CCSER1: variants seen among roughly 807,000 people sequenced by gnomAD.
CCSER1 encodes coiled-coil serine rich protein 1.
In CCSER1, 41 loss-of-function variants were observed where a neutral mutation model predicts 82.0. The ratio of observed to expected loss-of-function variants is 0.50; its 90% confidence interval spans 0.39 to 0.65. The LOEUF is 0.65. Among genes scored for constraint, CCSER1 ranks in the 30% least tolerant of loss-of-function variants. The pLI is 0.00. For synonymous variants in CCSER1, 414 were observed against 383.9 expected (o/e 1.08, Z -0.92); for missense variants, 1,119 against 1,064.2 (o/e 1.05, Z -0.72).
At chr4:90,824,775 T>C (rs551160932) in intron 8 of CCSER1, among the ~76,000 whole-genome samples, 3 of 152,336 alleles carry the variant, frequency 2.0e-5, no homozygotes, top group South Asian at 4.1e-4. Flanking sequence ...CAGCTGTAAG[T>C]ACTTTCAAAT....
intron 4 of CCSER1, among the ~76,000 whole-genome samples, chr4:90,420,838 A>G (rs1385427918): frequency 6.6e-6 from 1 of 152,136 alleles, no homozygotes; most frequent in Non-Finnish European, 1.5e-5. Flanking sequence ...TAGAGGATAC[A>G]GTCAAAAGAA....
At chr4:91,161,787 T>C (rs578042120) in intron 10 of CCSER1, among the ~76,000 whole-genome samples, 63 of 152,274 alleles carry the variant, frequency 4.1e-4, no homozygotes, top group African/African-American at 1.4e-3. Flanking sequence ...CATGAAGCAA[T>C]AAGACATAAG....
chr4:90,930,903 CCTT>C (rs1729669181), intron 9 of CCSER1, among the ~76,000 whole-genome samples: 1 of 93,624 alleles, frequency 1.1e-5, no homozygotes, highest in Non-Finnish European at 2.2e-5. Context: ...GGAAATTTAT[CCTT>C]ATTTTATATA....
intron 10 of CCSER1, among the ~76,000 whole-genome samples, chr4:91,537,232 T>G (rs1021301902): frequency 6.6e-6 from 1 of 152,040 alleles, no homozygotes; most frequent in Non-Finnish European, 1.5e-5. Flanking sequence ...CAAGTGACTG[T>G]TCCAAAGTCA....
intron 10 of CCSER1, among the ~76,000 whole-genome samples, chr4:91,308,709 C>T (rs1430965389): frequency 6.6e-6 from 1 of 151,916 alleles, no homozygotes; most frequent in African/African-American, 2.4e-5. Context: ...TTCAAATCAT[C>T]ATTAGCCTAT....
Position 90,872,816 on chromosome 4 carries a change from A to C in CCSER1, c.2095-50554A>C, listed in dbSNP as rs1333412626. On this transcript the variant is annotated intron_variant, in intron 8 of 10. Transcript: ENST00000509176. ...TAGAACGTGTCTAGTGTTGAAAAAAATCCCTCAAATTTTGTTTGTCTGGGA... is the reference window on the plus strand; with the variant it reads ...TAGAACGTGTCTAGTGTTGAAAAAACTCCCTCAAATTTTGTTTGTCTGGGA... 2.0e-5 allele frequency among the ~76,000 whole-genome samples: 3 copies of C among 152,008 alleles called. No homozygotes were observed. The East Asian group carries it at 5.8e-4, about 29-fold the overall frequency.
chr4:91,255,022 A>T (rs777369568), intron 10 of CCSER1, among the ~76,000 whole-genome samples: 26 of 152,226 alleles, frequency 1.7e-4, no homozygotes, highest in Non-Finnish European at 3.2e-4. Context: ...TCATTTAGTG[A>T]CCAGCCTATT....
chr4:91,207,681 C>T (rs925178666), intron 10 of CCSER1, among the ~76,000 whole-genome samples: 4 of 151,854 alleles, frequency 2.6e-5, no homozygotes, highest in East Asian at 1.9e-4. Context: ...AATAGTGCTG[C>T]GGTGAACATA....
chr4:91,093,784 G>C (rs1724218424), intron 10 of CCSER1, among the ~76,000 whole-genome samples: 1 of 152,164 alleles, frequency 6.6e-6, no homozygotes, highest in Admixed American at 6.6e-5. Context: ...CCTTTAACTT[G>C]CAAAAGTCTT....
At chr4:90,168,676 T>C (rs1730998232) in intron 1 of CCSER1, among the ~76,000 whole-genome samples, 1 of 152,110 alleles carries the variant, frequency 6.6e-6, no homozygotes, top group African/African-American at 2.4e-5. Context: ...AGGCATCCAG[T>C]TTCAGCTTTC....
chr4:91,401,173 G>T (rs1011954665), intron 10 of CCSER1, among the ~76,000 whole-genome samples: 4 of 150,950 alleles, frequency 2.6e-5, no homozygotes, highest in African/African-American at 9.7e-5. Context: ...CCCATTTTTT[G>T]ACTTTCAGCC....
At chr4:91,040,601 T>G (rs1741877915) in intron 9 of CCSER1, among the ~76,000 whole-genome samples, 1 of 152,194 alleles carries the variant, frequency 6.6e-6, no homozygotes, top group Non-Finnish European at 1.5e-5. Flanking sequence ...ACAAAAGATG[T>G]GCAAGCCAGG....
At chr4:91,049,739 C>T (rs1742832804) in intron 9 of CCSER1, among the ~76,000 whole-genome samples, 1 of 152,084 alleles carries the variant, frequency 6.6e-6, no homozygotes, top group Non-Finnish European at 1.5e-5. Context: ...ATGAGAAATG[C>T]CTACTCTGGG....
At chr4:91,020,861 A>G (rs1739895084) in intron 9 of CCSER1, among the ~76,000 whole-genome samples, 1 of 152,100 alleles carries the variant, frequency 6.6e-6, no homozygotes, top group Admixed American at 6.5e-5. Context: ...GGAAACTAAT[A>G]CTCAAAGACC....
rs191831514 is a variant in CCSER1, at chr4:91,533,078, A to C, written c.2218-65494A>C. Among the ~76,000 whole-genome samples, 340 of 152,316 alleles carry C rather than the reference A, an allele frequency of 2.2e-3. 6 individuals carry two copies. The highest frequency in any genetic ancestry group is 2.9e-3 in the Non-Finnish European group (196 of 68,022). On this transcript the variant is annotated intron_variant, in intron 10 of 10. Transcript: ENST00000509176. ...TTAGGCACTAGGAATACAAAGATTAATGCATTTAAATATATTATTGTAAAT... is the reference window on the plus strand; with the variant it reads ...TTAGGCACTAGGAATACAAAGATTACTGCATTTAAATATATTATTGTAAAT...
chr4:91,415,419 A>G (rs1753300883), intron 10 of CCSER1, among the ~76,000 whole-genome samples: 1 of 152,060 alleles, frequency 6.6e-6, no homozygotes, highest in African/African-American at 2.4e-5. Context: ...CTCTTGCCTG[A>G]TTGCCCTGGC....
At position 91,265,247 on chromosome 4, in the gene CCSER1, CAATTT is replaced by C. The variant is rs1052848942; in HGVS notation, c.2217+179258_2217+179262del. 8.4e-4 allele frequency among the ~76,000 whole-genome samples: 127 copies of C among 151,904 alleles called. 1 individual carries two copies. Among genetic ancestry groups the C allele is most frequent in the African/African-American group, 2.8e-3 (118 of 41,480 alleles). On this transcript the variant is annotated intron_variant, in intron 10 of 10. Transcript: ENST00000509176. ...ATTAATTTAGAACTGTTTCAGTAAA[CAATTT>C]AATTAAAAATTAAGCTCCTGAATAA...
At chr4:90,635,751 A>C (rs1725308556) in intron 6 of CCSER1, among the ~76,000 whole-genome samples, 1 of 151,884 alleles carries the variant, frequency 6.6e-6, no homozygotes, top group African/African-American at 2.4e-5. Flanking sequence ...GTTATATTTC[A>C]AAATAGCTAG....
chr4:91,398,584 T>C (rs1346098147), intron 10 of CCSER1, among the ~76,000 whole-genome samples: 1 of 151,906 alleles, frequency 6.6e-6, no homozygotes, highest in Non-Finnish European at 1.5e-5. Flanking sequence ...GGGGTATTCG[T>C]ATTCATTAAT....
Sources: gnomAD v4.1 joint callset for allele counts (sites outside exome capture counted in the v4.1 genomes callset) on GRCh38, gnomAD v4.1.1 for gene constraint, MANE v1.5 for transcripts, NCBI Gene and HGNC (gene_info 2026-07-23, HGNC 2026-07-21) for gene names.